Variants in GABRA6 observed in about 807,000 individuals in gnomAD.
GABRA6 encodes the protein gamma-aminobutyric acid type A receptor subunit alpha6, also known as gamma-aminobutyric acid receptor subunit alpha-6.
Under a neutral mutation model 47.3 loss-of-function variants are expected in GABRA6, and 45 were observed. The observed-to-expected ratio is 0.95, with a 90% confidence interval of 0.75 to 1.22. The LOEUF is 1.22. Ranked by LOEUF, GABRA6 falls within the 50% of genes most tolerant of loss-of-function variation. The probability of loss-of-function intolerance (pLI) is 0.00; values close to 1 mark genes in which losing one functional copy is unlikely to be tolerated. For missense variants in GABRA6, 583 were observed against 549.3 expected, an observed-to-expected ratio of 1.06 and a Z score of -0.61; for synonymous variants, 219 against 194.7, an observed-to-expected ratio of 1.12 and a Z score of -1.04.
Position 161,701,746 on chromosome 5 carries a change from A to G in GABRA6, c.1335A>G (p.Thr445=). The G allele has an allele frequency of 6.2e-7, 1 of 1,614,168 alleles. No homozygotes were observed. The highest frequency in any genetic ancestry group is 8.5e-7 in the Non-Finnish European group (1 of 1,179,992). The part of the protein sequence containing the change: ...VYWVVYLSKD[T]MEVSSSVE ...GGGTAGTTTATCTTTCCAAAGATAC[A>G]ATGGAAGTCAGTAGCAGTGTTGAAT... is the stretch of plus-strand genomic sequence containing the variant. The change falls in exon 9 of 9, where the codon ACA becomes ACG. Residue 445 remains threonine (T), a synonymous_variant. Transcript: ENST00000274545.
rs143981467 is a variant in GABRA6, at chr5:161,692,074, G to A, written c.960G>A (p.Glu320=). The change falls in exon 8 of 9, where the codon GAG becomes GAA. Residue 320 remains glutamate (E), a synonymous_variant. Transcript: ENST00000274545. The part of the protein sequence containing the change: ...CFAFVFSALI[E]FAAVNYFTNL... ...CATTCGTCTTCTCTGCGCTTATCGA[G>A]TTCGCAGCTGTCAACTACTTTACCA... The A allele has an allele frequency of 5.0e-6, 8 of 1,614,020 alleles. No homozygotes were observed. The African/African-American group carries it at 1.1e-4, about 22-fold the overall frequency.
chr5:161,690,460 A>G, intron 7 of GABRA6, 107 bp downstream of exon 7: 3 of 1,124,802 alleles, frequency 2.7e-6, no homozygotes, highest in Admixed American at 3.4e-5. Flanking sequence ...CCACAAAGAA[A>G]ATAGGTTCCT....
At chr5:161,696,831 C>G (rs1581124415) in intron 8 of GABRA6, among the ~76,000 whole-genome samples, 1 of 152,230 alleles carries the variant, frequency 6.6e-6, no homozygotes, top group South Asian at 2.1e-4. Flanking sequence ...ACTATCAATA[C>G]TGTTTTCAAA....
At chr5:161,686,415 AC>A in intron 2 of GABRA6, 67 bp downstream of exon 2, 3 of 1,251,866 alleles carry the variant, frequency 2.4e-6, no homozygotes, top group Non-Finnish European at 3.5e-6. Flanking sequence ...CCCTTTGAAG[AC>A]CCAGAAGAGT....
At chr5:161,693,986 CT>C (rs1754846616) in intron 8 of GABRA6, among the ~76,000 whole-genome samples, 2 of 152,080 alleles carry the variant, frequency 1.3e-5, no homozygotes, top group Non-Finnish European at 2.9e-5. Flanking sequence ...AAAATTCTTC[CT>C]TTGACTTAAT....
At position 161,692,133 on chromosome 5, in the gene GABRA6, A is replaced by G. The variant is rs766023505; in HGVS notation, c.1019A>G (p.Gln340Arg). Residue 340 changes from glutamine to arginine, a missense_variant, in exon 8 of 9, where the codon CAG (glutamine) becomes CGG (arginine). Transcript: ENST00000274545. Reference sequence around the variant, plus strand: ...ACACAGAAGGCCAAAAGGAAGGCACAGTTTGCAGCCCCACCCACAGTGACA... The same window carrying G: ...ACACAGAAGGCCAAAAGGAAGGCACGGTTTGCAGCCCCACCCACAGTGACA... ...LQTQKAKRKA[Q>R]FAAPPTVTIS... 6.2e-7 allele frequency: 1 copy of G among 1,614,204 alleles called. No homozygotes were observed. The highest frequency in any genetic ancestry group is 2.2e-5 in the East Asian group (1 of 44,884).
Position 161,689,011 on chromosome 5 carries a change from G to T in GABRA6, c.288G>T (p.Gly96=). 6.2e-7 allele frequency: 1 copy of T among 1,613,958 alleles called. No individual in the cohort carries two copies. The change falls in exon 4 of 9, where the codon GGG becomes GGT. Residue 96 remains glycine, a synonymous_variant. Coordinates refer to ENST00000274545, the MANE Select transcript of GABRA6 (RefSeq NM_000811.3). ...TWTDERLKFG[G]PTEILSLNNL... ...CTGATGAGAGGTTGAAGTTTGGGGGGCCAACTGAGATTCTGAGTCTGAATA... is the reference window on the plus strand; with the variant it reads ...CTGATGAGAGGTTGAAGTTTGGGGGTCCAACTGAGATTCTGAGTCTGAATA...
intron 8 of GABRA6, among the ~76,000 whole-genome samples, chr5:161,694,196 T>A (rs1754849315): frequency 6.6e-6 from 1 of 151,900 alleles, no homozygotes; most frequent in Admixed American, 6.6e-5. Flanking sequence ...TATAAGTATA[T>A]AATCTATATA....
chr5:161,701,826 G>A lies in GABRA6; in HGVS notation c.*53G>A, dbSNP rs1412069012. 2.5e-6 allele frequency: 4 copies of A among 1,583,574 alleles called. No homozygotes were observed. Among genetic ancestry groups the A allele is most frequent in the South Asian group, 1.1e-5 (1 of 90,290 alleles). On this transcript the variant is annotated 3_prime_UTR_variant, in exon 9 of 9. Transcript: ENST00000274545. Reference sequence around the variant, plus strand: ...TAAGTTCTTGTTTTCTGTTTCCTATGTTTTCTTAAAAAATAGCATTGAGAC... The same window carrying A: ...TAAGTTCTTGTTTTCTGTTTCCTATATTTTCTTAAAAAATAGCATTGAGAC...
chr5:161,691,288 C>CTTT (rs1160422481), intron 7 of GABRA6, among the ~76,000 whole-genome samples: 1,224 of 84,758 alleles, frequency 0.014, 30 homozygotes, highest in African/African-American at 0.02. Context: ...TTTTTCTTTC[C>CTTT]TTTTTTTTTT....
At chr5:161,700,788 A>G (rs1313839006) in intron 8 of GABRA6, among the ~76,000 whole-genome samples, 2 of 152,192 alleles carry the variant, frequency 1.3e-5, no homozygotes, top group Non-Finnish European at 2.9e-5. Context: ...GACTGAAGAT[A>G]GAGAAAGACC....
rs1158158918 is a variant in GABRA6, at chr5:161,690,358, A to G, written c.826+5A>G. 1 of 1,612,500 alleles carries G rather than the reference A, an allele frequency of 6.2e-7. No individual in the cohort carries two copies. Among genetic ancestry groups the G allele is most frequent in the Admixed American group, 1.7e-5 (1 of 60,002 alleles). On this transcript the variant is annotated splice_donor_5th_base_variant and intron_variant, in intron 7 of 8. Coordinates refer to ENST00000274545, the MANE Select transcript of GABRA6 (RefSeq NM_000811.3). Reference sequence around the variant, plus strand: ...TCCCAGCAAGAACTGTTTTTGGTATATGTCACATTTTGTACTTCACGTACA... The same window carrying G: ...TCCCAGCAAGAACTGTTTTTGGTATGTGTCACATTTTGTACTTCACGTACA...
At chr5:161,701,023 G>T (rs1433729753) in intron 8 of GABRA6, among the ~76,000 whole-genome samples, 1 of 152,160 alleles carries the variant, frequency 6.6e-6, no homozygotes. Context: ...TGTAGGCTGG[G>T]AATGTGTACA....
At chr5:161,687,248 T>A in intron 3 of GABRA6, 1 of 517,230 alleles carries the variant, frequency 1.9e-6, no homozygotes. Flanking sequence ...ATCCACATGC[T>A]ATGCACTAAT....
At chr5:161,698,459 G>A in intron 8 of GABRA6, among the ~76,000 whole-genome samples, 1 of 152,040 alleles carries the variant, frequency 6.6e-6, no homozygotes, top group South Asian at 2.1e-4. Context: ...GTGAGAATGA[G>A]AAGCAGACAT....
chr5:161,701,070 T>TG (rs1754971489), intron 8 of GABRA6, among the ~76,000 whole-genome samples: 1 of 152,198 alleles, frequency 6.6e-6, no homozygotes, highest in South Asian at 2.1e-4. Flanking sequence ...GTAATTTTTT[T>TG]GTACTAATTG....
intron 2 of GABRA6, among the ~76,000 whole-genome samples, chr5:161,686,597 G>A (rs1371919876): frequency 6.6e-6 from 1 of 152,182 alleles, no homozygotes; most frequent in African/African-American, 2.4e-5. Context: ...GCCTCATAGA[G>A]TGGTATGAGT....
chr5:161,699,149 C>T (rs1195237371), intron 8 of GABRA6, among the ~76,000 whole-genome samples: 1 of 151,780 alleles, frequency 6.6e-6, no homozygotes, highest in Non-Finnish European at 1.5e-5. Context: ...GGCATGTCTT[C>T]CCTCTTTCTA....
chr5:161,689,782 A>G lies in GABRA6; in HGVS notation c.673+3A>G, dbSNP rs200341002. On this transcript the variant is annotated splice_donor_region_variant and intron_variant, in intron 6 of 8. Coordinates refer to ENST00000274545, the MANE Select transcript of GABRA6 (RefSeq NM_000811.3). The stretch of plus-strand genomic sequence containing the variant: ...TGAGACAATTAAATCTAACACAGGT[A>G]AGAATTTGACCAAAGGATGGAAATA... The G allele has an allele frequency of 1.1e-5, 17 of 1,611,934 alleles. No homozygotes were observed. The East Asian group carries it at 3.1e-4, about 30-fold the overall frequency.
Sources: allele counts gnomAD v4.1 joint callset (sites outside exome capture counted in the v4.1 genomes callset), GRCh38; gene constraint gnomAD v4.1.1; transcripts MANE v1.5; gene names NCBI Gene and HGNC (gene_info 2026-07-23, HGNC 2026-07-21).